The following RTN4RL2 variants were observed in gnomAD, a reference collection of about 807,000 sequenced individuals.
RTN4RL2 encodes reticulon 4 receptor like 2, also known as reticulon-4 receptor-like 2.
RTN4RL2 carries 9 observed loss-of-function variants against 27.8 expected under a neutral mutation model. That is an observed-to-expected ratio of 0.32 (90% confidence interval 0.20 to 0.57). The LOEUF (loss-of-function observed/expected upper bound fraction) is 0.57. RTN4RL2 is among the 20% of genes least tolerant of loss of function. RTN4RL2 has a pLI of 0.90. For synonymous variants in RTN4RL2, 285 were observed against 297.9 expected (o/e 0.96, Z 0.45); for missense variants, 436 against 596.8 (o/e 0.73, Z 2.81).
chr11:57,465,394 C>G (rs993002230), intron 1 of RTN4RL2, among the ~76,000 whole-genome samples: 1 of 152,214 alleles, frequency 6.6e-6, no homozygotes, highest in Non-Finnish European at 1.5e-5. Flanking sequence ...ACCCCACACT[C>G]AAAATCACCA....
intron 2 of RTN4RL2, among the ~76,000 whole-genome samples, chr11:57,473,478 G>C (rs1943576096): frequency 1.3e-5 from 2 of 151,894 alleles, no homozygotes; most frequent in Non-Finnish European, 2.9e-5. Context: ...TGGATGCAGA[G>C]AGCTGTGAAC....
In RTN4RL2 at chr11:57,476,459, C is replaced by T; in HGVS notation, c.811C>T (p.Pro271Ser). The T allele has an allele frequency of 6.4e-7, 1 of 1,557,152 alleles. No homozygotes were observed. The highest frequency in any genetic ancestry group is 8.6e-7 in the Non-Finnish European group (1 of 1,162,270). ...CTGGGCGTGCGACTGCCGCGCGCGG[C>T]CGCTCTGGGCCTGGTTCCAGCGCGC... ...NPWACDCRAR[P>S]LWAWFQRARV... The change falls in exon 3 of 3, where the codon CCG (proline) becomes TCG (serine). Residue 271 changes from proline (P) to serine (S), a missense_variant. Coordinates refer to ENST00000335099, the MANE Select transcript of RTN4RL2 (RefSeq NM_178570.3). This position sits in a 1 kb window ranked among gnomAD's most constrained non-coding sequence, Gnocchi z 8.2.
At chr11:57,462,535 G>A (rs1470337365) in intron 1 of RTN4RL2, among the ~76,000 whole-genome samples, 3 of 152,212 alleles carry the variant, frequency 2.0e-5, no homozygotes, top group Admixed American at 1.3e-4. Context: ...ACTCTGCCCT[G>A]TGGGTGGGTA....
In RTN4RL2 at chr11:57,476,265, A is replaced by G; in HGVS notation, c.617A>G (p.Asp206Gly). The G allele has an allele frequency of 6.2e-7, 1 of 1,612,318 alleles. No homozygotes were observed. ...GTGTTTCGCGGCCTGGGCAGCCTGG[A>G]CCGGCTGCTGCTGCACGGGAACCGG... ...EHVFRGLGSL[D>G]RLLLHGNRLQ... Residue 206 changes from aspartate to glycine, a missense_variant, in exon 3 of 3, where the codon GAC becomes GGC. Physicochemically the swap from Asp to Gly is moderately conservative, Grantham distance 94. Around this residue, in one of 3 missense-constraint regions of RTN4RL2, gnomAD observed 365 missense variants for 530.5 expected, o/e 0.69. Transcript: ENST00000335099. The surrounding 1 kb of genome is among the most constrained non-coding windows in gnomAD (Gnocchi z 8.2).
chr11:57,468,115 C>T (rs779709573), intron 2 of RTN4RL2, 25 bp downstream of exon 2: 70 of 1,559,656 alleles, frequency 4.5e-5, no homozygotes, highest in Middle Eastern at 3.4e-4. Flanking sequence ...CCCCCACCCT[C>T]AGCCCCTTTC....
intron 1 of RTN4RL2, among the ~76,000 whole-genome samples, chr11:57,463,613 A>G (rs1590729851): frequency 6.6e-6 from 1 of 151,460 alleles, no homozygotes; most frequent in Non-Finnish European, 1.5e-5. Context: ...CAGCTCTGAT[A>G]CTCTGTGCAT....
At chr11:57,469,760 T>C (rs925176751) in intron 2 of RTN4RL2, among the ~76,000 whole-genome samples, 1 of 152,174 alleles carries the variant, frequency 6.6e-6, no homozygotes, top group African/African-American at 2.4e-5. Flanking sequence ...ACCTCACAGT[T>C]TATGAAGTGC....
At position 57,476,514 on chromosome 11, in the gene RTN4RL2, C is replaced by T; in HGVS notation, c.866C>T (p.Ala289Val). 6.8e-7 allele frequency: 1 copy of T among 1,469,338 alleles called. No homozygotes were observed. Among genetic ancestry groups the T allele is most frequent in the Non-Finnish European group, 8.9e-7 (1 of 1,120,570 alleles). The allele number at this position is 1,469,338 out of a possible 1,614,324, so 91.0% of individuals were successfully genotyped here. ...ARVSSSDVTC[A>V]TPPERQGRDL... ...GTGTCCAGCTCCGACGTGACCTGCG[C>T]CACCCCCCCGGAGCGCCAGGGCCGA... The change falls in exon 3 of 3, where the codon GCC (alanine) becomes GTC (valine). Residue 289 changes from alanine (A) to valine (V), a missense_variant. Ala to Val is a moderately conservative substitution (Grantham distance 64). Transcript: ENST00000335099. This position sits in a 1 kb window ranked among gnomAD's most constrained non-coding sequence, Gnocchi z 8.2.
rs774499426 is a variant in RTN4RL2 at position 57,476,327 on chromosome 11, A to T, written c.679A>T (p.Ser227Cys). The change falls in exon 3 of 3, where the codon AGC (serine) becomes TGC (cysteine). Residue 227 changes from serine to cysteine, a missense_variant. Coordinates refer to ENST00000335099, the MANE Select transcript of RTN4RL2 (RefSeq NM_178570.3). This position sits in a 1 kb window ranked among gnomAD's most constrained non-coding sequence, Gnocchi z 8.2. ...GVHRAAFRGLSRLTILYLFNN... is the reference protein window; with the variant it reads ...GVHRAAFRGLCRLTILYLFNN... ...GCACCGCGCGGCCTTCCGCGGCCTC[A>T]GCCGCCTCACCATCCTCTACCTGTT... 37 of 1,610,920 alleles carry T rather than the reference A, an allele frequency of 2.3e-5. No individual in the cohort carries two copies. The highest frequency in any genetic ancestry group is 2.2e-5 in the East Asian group (1 of 44,818).
rs112884577 is a variant in RTN4RL2, at chr11:57,476,620, C to T, written c.972C>T (p.Gly324=). 7.1e-7 allele frequency: 1 copy of T among 1,416,882 alleles called. No homozygotes were observed. The highest frequency in any genetic ancestry group is 9.1e-7 in the Non-Finnish European group (1 of 1,093,242). The allele number at this position is 1,416,882 out of a possible 1,614,324, so 87.8% of individuals were successfully genotyped here. ...APTRPGSRAR[G]NSSSNHLYGV... is the part of the protein sequence containing the mutation. ...CGCGGCCGGGCAGCCGCGCCCGCGG[C>T]AACAGCTCCTCCAACCACCTGTACG... Residue 324 remains glycine, a synonymous_variant, in exon 3 of 3, where the codon GGC becomes GGT. Transcript: ENST00000335099. The surrounding 1 kb of genome is among the most constrained non-coding windows in gnomAD (Gnocchi z 8.2).
chr11:57,471,840 A>G (rs1169131230), intron 2 of RTN4RL2, among the ~76,000 whole-genome samples: 1 of 152,188 alleles, frequency 6.6e-6, no homozygotes, highest in East Asian at 1.9e-4. Context: ...GTGTAGCCAG[A>G]TGATAAAGAC....
intron 2 of RTN4RL2, among the ~76,000 whole-genome samples, chr11:57,472,650 T>C (rs1428353165): frequency 6.6e-6 from 1 of 152,182 alleles, no homozygotes; most frequent in East Asian, 1.9e-4. Flanking sequence ...ATCTGTGAAA[T>C]GGGGATAACC....
chr11:57,468,107 C>T lies in RTN4RL2; in HGVS notation c.513+17C>T, dbSNP rs758217369. ...CACCTACAGGTGAGCCTGCCCTGCC[C>T]CCACCCTCAGCCCCTTTCTGGTTTC... On this transcript the variant is annotated intron_variant, in intron 2 of 2. Coordinates refer to ENST00000335099, the MANE Select transcript of RTN4RL2 (RefSeq NM_178570.3). The T allele has an allele frequency of 6.4e-7, 1 of 1,572,588 alleles. No homozygotes were observed. Among genetic ancestry groups the T allele is most frequent in the Non-Finnish European group, 8.6e-7 (1 of 1,164,120 alleles).
intron 2 of RTN4RL2, among the ~76,000 whole-genome samples, chr11:57,473,563 G>GAGGGAGGGGAGAT (rs1232279697): frequency 4.5e-5 from 6 of 133,948 alleles, no homozygotes; most frequent in African/African-American, 1.4e-4. Flanking sequence ...TCTCAGCCCA[G>GAGGGAGGGGAGAT]AGGGAGGGGA....
In RTN4RL2 at chr11:57,476,140, T is replaced by C. The variant is rs1284273685; in HGVS notation, c.514-22T>C. On this transcript the variant is annotated intron_variant, in intron 2 of 2. Transcript: ENST00000335099. The surrounding 1 kb of genome is among the most constrained non-coding windows in gnomAD (Gnocchi z 8.2). Reference sequence around the variant, plus strand: ...ACCTCAGGCCCATTCTCTTCTTCTGTGCCCCACTCCACCCCACCCAGGATG... The same window carrying C: ...ACCTCAGGCCCATTCTCTTCTTCTGCGCCCCACTCCACCCCACCCAGGATG... 23 of 1,586,082 alleles carry C rather than the reference T, an allele frequency of 1.5e-5. No individual in the cohort carries two copies. The highest frequency in any genetic ancestry group is 1.9e-5 in the Non-Finnish European group (22 of 1,164,838).
At chr11:57,464,801 G>C (rs1943509534) in intron 1 of RTN4RL2, among the ~76,000 whole-genome samples, 1 of 152,162 alleles carries the variant, frequency 6.6e-6, no homozygotes, top group African/African-American at 2.4e-5. Flanking sequence ...ACCTCTGCCT[G>C]GTTCAGATGA....
intron 2 of RTN4RL2, chr11:57,468,848 G>A (rs530375029): frequency 1.1e-6 from 1 of 941,278 alleles, no homozygotes; most frequent in African/African-American, 1.6e-5. Flanking sequence ...ACCAGTAATT[G>A]TTATTCATTG....
chr11:57,468,424 C>A, intron 2 of RTN4RL2: 1 of 769,388 alleles, frequency 1.3e-6, no homozygotes, highest in Non-Finnish European at 2.1e-6. Flanking sequence ...TTGCCTCCCC[C>A]ATCTGTCTTC....
chr11:57,476,896 G>A lies in RTN4RL2; in HGVS notation c.1248G>A (p.Val416=). The change falls in exon 3 of 3, where the codon GTG becomes GTA. Residue 416 remains valine (V), a synonymous_variant. Coordinates refer to ENST00000335099, the MANE Select transcript of RTN4RL2 (RefSeq NM_178570.3). The surrounding 1 kb of genome is among the most constrained non-coding windows in gnomAD (Gnocchi z 8.2). ...CTCTGCTTTGCCTCCTGCTCCTGGT[G>A]CCCCACCACCTCTGACTGCGGTGCT... ...PSPLLCLLLL[V]PHHL 6.4e-7 allele frequency: 1 copy of A among 1,571,474 alleles called. No individual in the cohort carries two copies. The highest frequency in any genetic ancestry group is 1.1e-5 in the South Asian group (1 of 89,524).
Sources: allele counts gnomAD v4.1 joint callset (sites outside exome capture counted in the v4.1 genomes callset), GRCh38; gene constraint gnomAD v4.1.1; regional missense constraint gnomAD v4.1.1; non-coding constraint Gnocchi (gnomAD v3.1); transcripts MANE v1.5; gene names NCBI Gene and HGNC (gene_info 2026-07-23, HGNC 2026-07-21).